Variants in TRAPPC12 observed in about 807,000 individuals in gnomAD.
TRAPPC12 encodes trafficking protein particle complex subunit 12, also known as TPR repeat protein 15.
Under a neutral mutation model 69.2 loss-of-function variants are expected in TRAPPC12, and 61 were observed. The observed-to-expected ratio is 0.88, with a 90% confidence interval of 0.72 to 1.09. TRAPPC12 has a LOEUF of 1.09. TRAPPC12 is among the 50% of genes least tolerant of loss of function. TRAPPC12 has a pLI of 0.00. For synonymous variants in TRAPPC12, 469 were observed against 438.9 expected, an observed-to-expected ratio of 1.07 and a Z score of -0.86; for missense variants, 1,101 against 1,016.4, an observed-to-expected ratio of 1.08 and a Z score of -1.13.
At chr2:3,393,182 A>G (rs1660921785) in intron 2 of TRAPPC12, among the ~76,000 whole-genome samples, 2 of 152,254 alleles carry the variant, frequency 1.3e-5, no homozygotes, top group Admixed American at 1.3e-4. Flanking sequence ...TTAAAAAACA[A>G]GGGGAAACCT....
intron 3 of TRAPPC12, among the ~76,000 whole-genome samples, chr2:3,408,799 T>A (rs1661873029): frequency 6.6e-6 from 1 of 152,250 alleles, no homozygotes; most frequent in Non-Finnish European, 1.5e-5. Flanking sequence ...CCAAAAATTC[T>A]ATTAAAAATC....
chr2:3,415,847 G>A (rs1320558384), intron 3 of TRAPPC12, among the ~76,000 whole-genome samples: 2 of 152,024 alleles, frequency 1.3e-5, no homozygotes, highest in African/African-American at 4.8e-5. Flanking sequence ...CTCCCAAGTA[G>A]CTGGGACTGC....
chr2:3,403,793 A>G (rs1016204109), intron 3 of TRAPPC12, among the ~76,000 whole-genome samples: 2 of 152,220 alleles, frequency 1.3e-5, no homozygotes, highest in Non-Finnish European at 2.9e-5. Flanking sequence ...TGAAGTTCAG[A>G]AGAAAATAAT....
At chr2:3,382,376 G>A (rs1253909800) in intron 1 of TRAPPC12, among the ~76,000 whole-genome samples, 1 of 151,908 alleles carries the variant, frequency 6.6e-6, no homozygotes. Context: ...CTCGTGGTCC[G>A]CCTGCCTCGG....
chr2:3,416,357 C>T (rs1391161034), intron 3 of TRAPPC12, among the ~76,000 whole-genome samples: 2 of 152,110 alleles, frequency 1.3e-5, no homozygotes, highest in Non-Finnish European at 2.9e-5. Flanking sequence ...ATTCCTTCCC[C>T]GAAACATCAG....
intron 5 of TRAPPC12, among the ~76,000 whole-genome samples, chr2:3,426,617 T>A (rs984123389): frequency 6.6e-6 from 1 of 152,236 alleles, no homozygotes; most frequent in Non-Finnish European, 1.5e-5. Context: ...AAGCAGGCCT[T>A]CTGTCCCCAG....
rs756361030 is a variant in TRAPPC12, at chr2:3,388,602, C to T, written c.979C>T (p.Gln327Ter). Residue 327 changes from glutamine to a stop codon, truncating the protein, a stop_gained, in exon 2 of 12, where the codon CAG becomes TAG. Transcript: ENST00000324266. LOFTEE classifies it high-confidence loss of function. ...RGVLRAVATQ[Q>*]RGAVFVDKEN... ...AGTCCTGCGGGCCGTGGCCACCCAG[C>T]AGCGCGGCGCCGTGTTCGTGGACAA... 13 of 1,606,284 alleles carry T rather than the reference C, an allele frequency of 8.1e-6. No individual in the cohort carries two copies. Among genetic ancestry groups the T allele is most frequent in the Non-Finnish European group, 8.5e-7 (1 of 1,175,840 alleles).
rs984841907 is a variant in TRAPPC12 at position 3,479,530 on chromosome 2, T to C, written c.*69T>C. 1.3e-6 allele frequency: 2 copies of C among 1,569,816 alleles called. No homozygotes were observed. The highest frequency in any genetic ancestry group is 2.7e-5 in the African/African-American group (2 of 73,894). Reference sequence around the variant, plus strand: ...CTGTGTCTTGAAGCTAATGTATTAATGTGACATGGAGGAACTCAATAAAAC... The same window carrying C: ...CTGTGTCTTGAAGCTAATGTATTAACGTGACATGGAGGAACTCAATAAAAC... On this transcript the variant is annotated 3_prime_UTR_variant, in exon 12 of 12. Coordinates refer to ENST00000324266, the MANE Select transcript of TRAPPC12 (RefSeq NM_016030.6).
intron 3 of TRAPPC12, among the ~76,000 whole-genome samples, chr2:3,417,840 C>G (rs1024382959): frequency 6.6e-6 from 1 of 151,920 alleles, no homozygotes; most frequent in South Asian, 2.1e-4. Context: ...GTCAGGAGCT[C>G]GAGACCAGCC....
chr2:3,409,750 T>TTAA (rs1553314357), intron 3 of TRAPPC12, among the ~76,000 whole-genome samples: 1 of 54,874 alleles, frequency 1.8e-5, no homozygotes, highest in African/African-American at 6.2e-5. Context: ...ACTTTGTCTT[T>TTAA]AAAAAAAAAA....
chr2:3,452,631 C>T (rs1283116769), intron 6 of TRAPPC12, among the ~76,000 whole-genome samples: 2 of 152,254 alleles, frequency 1.3e-5, no homozygotes, highest in Non-Finnish European at 2.9e-5. Context: ...TCCGAGAGGA[C>T]TTCCCTTCAA....
intron 3 of TRAPPC12, among the ~76,000 whole-genome samples, chr2:3,412,777 T>C (rs931316102): frequency 6.6e-6 from 1 of 152,208 alleles, no homozygotes; most frequent in African/African-American, 2.4e-5. Context: ...ATCATTGATA[T>C]GATTGTGTTT....
In TRAPPC12 at chr2:3,388,060, G is replaced by C; in HGVS notation, c.437G>C (p.Arg146Pro). Residue 146 changes from arginine to proline, a missense_variant, in exon 2 of 12, where the codon CGC becomes CCC. Physicochemically the swap from Arg to Pro is moderately radical, Grantham distance 103. Coordinates refer to ENST00000324266, the MANE Select transcript of TRAPPC12 (RefSeq NM_016030.6). The stretch of plus-strand genomic sequence containing the variant: ...GAGGTCCCAGGCAGCGAAGCCGCGC[G>C]CCCGGAGCAGGAGCCTCCCGTTGCG... ...AREVPGSEAA[R>P]PEQEPPVAEP... 2 of 1,514,294 alleles carry C rather than the reference G, an allele frequency of 1.3e-6. No individual in the cohort carries two copies. Among genetic ancestry groups the C allele is most frequent in the Non-Finnish European group, 1.8e-6 (2 of 1,136,204 alleles). 93.8% of individuals were successfully genotyped at this position (1,514,294 alleles called of 1,614,324 possible).
intron 5 of TRAPPC12, among the ~76,000 whole-genome samples, chr2:3,443,483 G>T (rs142849687): frequency 5.9e-5 from 9 of 152,140 alleles, no homozygotes; most frequent in Non-Finnish European, 1.2e-4. Context: ...AGGGGTTGGC[G>T]GTCTCTACTG....
At position 3,388,286 on chromosome 2, in the gene TRAPPC12, G is replaced by C; in HGVS notation, c.663G>C (p.Ser221=). The C allele has an allele frequency of 6.2e-7, 1 of 1,607,722 alleles. No homozygotes were observed. The highest frequency in any genetic ancestry group is 2.3e-5 in the East Asian group (1 of 44,332). Residue 221 remains serine, a synonymous_variant, in exon 2 of 12, where the codon TCG becomes TCC. Transcript: ENST00000324266. ...GDTAASHSLA[S]DFFDSFTTSA... is the part of the protein sequence containing the mutation. ...CGGCCGCCAGCCACTCCTTGGCCTC[G>C]GACTTCTTCGACTCCTTTACTACCT...
chr2:3,474,559 GT>G (rs1666216861), intron 9 of TRAPPC12, among the ~76,000 whole-genome samples: 1 of 152,232 alleles, frequency 6.6e-6, no homozygotes, highest in Non-Finnish European at 1.5e-5. Context: ...CACAGTTCCA[GT>G]TTCTGCCACG....
At chr2:3,464,149 CAT>C (rs1243137680) in intron 8 of TRAPPC12, among the ~76,000 whole-genome samples, 3 of 151,922 alleles carry the variant, frequency 2.0e-5, no homozygotes, top group Non-Finnish European at 2.9e-5. Flanking sequence ...CACACACACA[CAT>C]GCTCACACAC....
At chr2:3,477,911 C>T in intron 10 of TRAPPC12, 116 bp downstream of exon 10, 1 of 588,312 alleles carries the variant, frequency 1.7e-6, no homozygotes, top group South Asian at 3.1e-5. Flanking sequence ...TCTCCTCTTG[C>T]CCTGTGTCTC....
At chr2:3,401,608 T>C (rs1377330003) in intron 2 of TRAPPC12, among the ~76,000 whole-genome samples, 169 bp from the exon 3 acceptor site, 1 of 152,266 alleles carries the variant, frequency 6.6e-6, no homozygotes, top group Non-Finnish European at 1.5e-5. Context: ...TATTAACGAT[T>C]GTGCTAATTT....
Sources: gnomAD v4.1 joint callset for allele counts (sites outside exome capture counted in the v4.1 genomes callset) on GRCh38, gnomAD v4.1.1 for gene constraint, MANE v1.5 for transcripts, NCBI Gene and HGNC (gene_info 2026-07-23, HGNC 2026-07-21) for gene names.